PITPNC1: variants seen among roughly 807,000 people sequenced by gnomAD.
PITPNC1 encodes the protein cytoplasmic phosphatidylinositol transfer protein 1.
A neutral mutation model predicts 44.7 loss-of-function variants in PITPNC1; 18 were observed. That is an observed-to-expected ratio of 0.40 (90% CI 0.28 to 0.60). The LOEUF (loss-of-function observed/expected upper bound fraction) is 0.60, where lower values mean the gene tolerates loss of function less well. Among genes scored for constraint, PITPNC1 ranks in the 20% least tolerant of loss-of-function variants. PITPNC1 has a pLI of 0.39. For missense variants in PITPNC1, 290 were observed against 418.4 expected (o/e 0.69, Z 2.68); for synonymous variants, 141 against 149.6 (o/e 0.94, Z 0.42).
intron 1 of PITPNC1, among the ~76,000 whole-genome samples, chr17:67,453,911 C>T (rs2039219264): frequency 1.3e-5 from 2 of 152,196 alleles, no homozygotes; most frequent in East Asian, 1.9e-4. Flanking sequence ...CTTGATTTGC[C>T]CTTGATTTGT....
chr17:67,499,417 A>G (rs928113606), intron 1 of PITPNC1, among the ~76,000 whole-genome samples: 11 of 151,564 alleles, frequency 7.3e-5, no homozygotes, highest in Non-Finnish European at 1.3e-4. Flanking sequence ...GGGTCTCACC[A>G]TGTTGCCCAG....
chr17:67,596,894 A>AT (rs529411650), intron 5 of PITPNC1, among the ~76,000 whole-genome samples: 24 of 145,810 alleles, frequency 1.6e-4, no homozygotes, highest in South Asian at 1.1e-3. Flanking sequence ...TTCTGAACCA[A>AT]TTTTTTTTTT....
chr17:67,500,512 C>G (rs2040011620), intron 1 of PITPNC1, among the ~76,000 whole-genome samples: 1 of 152,030 alleles, frequency 6.6e-6, no homozygotes, highest in Non-Finnish European at 1.5e-5. Flanking sequence ...TTATGGGCAC[C>G]AGGTTTCTTT....
intron 5 of PITPNC1, among the ~76,000 whole-genome samples, chr17:67,606,120 C>G (rs117734519): frequency 3.0e-4 from 45 of 152,118 alleles, no homozygotes; most frequent in Admixed American, 2.8e-3. Context: ...CTGCCCTCAA[C>G]TGGCTGACTG....
In PITPNC1 at chr17:67,428,871, C is replaced by T. The variant is rs531303912; in HGVS notation, c.48+50669C>T. Among the ~76,000 whole-genome samples the T allele has an allele frequency of 1.6e-3, 200 of 127,788 alleles. 1 individual carries two copies. Among genetic ancestry groups the T allele is most frequent in the African/African-American group, 5.3e-3 (182 of 34,098 alleles). The allele number at this position is 127,788 out of a possible 152,430, so 83.8% of individuals were successfully genotyped here. A position where few individuals can be genotyped will look rare whatever the true frequency, so the allele number is the denominator to read the frequency against. Reference sequence around the variant, plus strand: ...TTTTTTTTTTTTTGAGACGGAGTCTCGCTCTGTCACCCAGGCTAAAGTGCA... The same window carrying T: ...TTTTTTTTTTTTTGAGACGGAGTCTTGCTCTGTCACCCAGGCTAAAGTGCA... On this transcript the variant is annotated intron_variant, in intron 1 of 8. Transcript: ENST00000581322.
At chr17:67,563,515 GA>G (rs1227314312) in intron 4 of PITPNC1, among the ~76,000 whole-genome samples, 1 of 152,164 alleles carries the variant, frequency 6.6e-6, no homozygotes, top group Non-Finnish European at 1.5e-5. Context: ...TGGTAAACAA[GA>G]ATAAAGCGTT....
intron 1 of PITPNC1, among the ~76,000 whole-genome samples, chr17:67,443,999 C>A (rs1185153259): frequency 6.6e-6 from 1 of 152,026 alleles, no homozygotes; most frequent in African/African-American, 2.4e-5. Context: ...GCCAGCTTTA[C>A]AACTCTGTCA....
intron 1 of PITPNC1, among the ~76,000 whole-genome samples, chr17:67,433,218 A>G (rs2038881833): frequency 6.6e-6 from 1 of 152,210 alleles, no homozygotes; most frequent in Non-Finnish European, 1.5e-5. Context: ...GTGCCAGGAA[A>G]GAATTTAGTT....
chr17:67,572,482 A>T (rs1411254280), intron 4 of PITPNC1, among the ~76,000 whole-genome samples: 1 of 55,586 alleles, frequency 1.8e-5, no homozygotes, highest in Non-Finnish European at 3.5e-5. Context: ...GGGGGGGGGT[A>T]AAGAAGAAGG....
intron 1 of PITPNC1, among the ~76,000 whole-genome samples, chr17:67,425,193 GCACGCACACGCACACACACACACACACA>G (rs1303742847): frequency 0.013 from 658 of 52,120 alleles, 24 homozygotes; most frequent in South Asian, 0.039. Context: ...TTGTGCGCGC[GCACGCACACGCACACACACACACACACA>G]CACACACACA....
intron 5 of PITPNC1, among the ~76,000 whole-genome samples, chr17:67,610,397 TC>T (rs1201188082): frequency 6.6e-6 from 1 of 152,230 alleles, no homozygotes; most frequent in Non-Finnish European, 1.5e-5. Context: ...GGGATTCCGC[TC>T]CGAAAATTAC....
At chr17:67,534,778 C>T (rs562016729) in intron 2 of PITPNC1, among the ~76,000 whole-genome samples, 1 of 152,322 alleles carries the variant, frequency 6.6e-6, no homozygotes, top group East Asian at 1.9e-4. Context: ...GTGGCCTCTC[C>T]GATTGGCCCA....
At chr17:67,564,112 A>T (rs1282546762) in intron 4 of PITPNC1, among the ~76,000 whole-genome samples, 1 of 152,136 alleles carries the variant, frequency 6.6e-6, no homozygotes, top group Non-Finnish European at 1.5e-5. Flanking sequence ...TGGATAGATT[A>T]GATAGGTAGA....
chr17:67,687,147 C>A, intron 8 of PITPNC1: 1 of 1,606,894 alleles, frequency 6.2e-7, no homozygotes, highest in Non-Finnish European at 8.5e-7. Flanking sequence ...CAGCATTCCT[C>A]CCCTGTGGAT....
At chr17:67,577,658 T>G (rs2041168301) in intron 4 of PITPNC1, among the ~76,000 whole-genome samples, 1 of 151,342 alleles carries the variant, frequency 6.6e-6, no homozygotes. Flanking sequence ...AAAATAAATT[T>G]ATGTTTTAAA....
At chr17:67,687,918 A>G (rs2042846056) in intron 8 of PITPNC1, among the ~76,000 whole-genome samples, 1 of 152,134 alleles carries the variant, frequency 6.6e-6, no homozygotes, top group Non-Finnish European at 1.5e-5. Flanking sequence ...GATAACAAAG[A>G]AAAGTGTAAT....
At chr17:67,660,270 T>G (rs1218359596) in intron 6 of PITPNC1, among the ~76,000 whole-genome samples, 1 of 152,140 alleles carries the variant, frequency 6.6e-6, no homozygotes, top group Admixed American at 6.6e-5. Context: ...TGGCATGATA[T>G]GGTATAGGAA....
At chr17:67,495,886 G>T (rs564205197) in intron 1 of PITPNC1, among the ~76,000 whole-genome samples, 58 of 152,358 alleles carry the variant, frequency 3.8e-4, no homozygotes, top group African/African-American at 1.3e-3. Context: ...ACGCTGACAT[G>T]AATAGAGAGG....
chr17:67,560,943 A>G lies in PITPNC1; in HGVS notation c.294+7326A>G, dbSNP rs547687159. Among the ~76,000 whole-genome samples, 345 of 152,332 alleles carry G rather than the reference A, an allele frequency of 2.3e-3. 4 individuals are homozygous for G. Among genetic ancestry groups the G allele is most frequent in the South Asian group, 1.0e-3 (5 of 4,828 alleles). The stretch of plus-strand genomic sequence containing the variant: ...GGAATGTTTGGTAGAAGATTTTACT[A>G]AGAAATTCTCCTTTTCTTCTTTTTT... On this transcript the variant is annotated intron_variant, in intron 4 of 8. Transcript: ENST00000581322.
Sources: gnomAD v4.1 joint callset for allele counts (sites outside exome capture counted in the v4.1 genomes callset) on GRCh38, gnomAD v4.1.1 for gene constraint, MANE v1.5 for transcripts, NCBI Gene and HGNC (gene_info 2026-07-23, HGNC 2026-07-21) for gene names.